Variants in LARP1B observed in about 807,000 individuals in gnomAD.
The protein encoded by LARP1B is la-related protein 1B.
A neutral mutation model predicts 114.2 loss-of-function variants in LARP1B; 76 were observed. The ratio of observed to expected loss-of-function variants is 0.67; its 90% CI spans 0.55 to 0.81. LARP1B has a LOEUF of 0.81. LARP1B is among the 30% of genes least tolerant of loss of function. The probability of loss-of-function intolerance (pLI) is 0.00; values close to 1 mark genes in which losing one functional copy is unlikely to be tolerated. For synonymous variants in LARP1B, 345 were observed against 348.0 expected, an observed-to-expected ratio of 0.99 and a Z score of 0.10; for missense variants, 1,014 against 1,075.8, an observed-to-expected ratio of 0.94 and a Z score of 0.80.
At chr4:128,065,306 T>TC (rs1561011701) in intron 1 of LARP1B, among the ~76,000 whole-genome samples, 2,189 of 110,624 alleles carry the variant, frequency 0.02, 66 homozygotes, top group Non-Finnish European at 0.03. Context: ...TCTTTCTTTC[T>TC]TTCTTTCTTT....
chr4:128,220,372 G>A (rs1759922565), exon 7 of LARP1B: 1 of 964,574 alleles, frequency 1.0e-6, no homozygotes. Flanking sequence ...ATCCGATAGA[G>A]TAATACCTAA....
At chr4:128,149,961 G>A (rs901527632) in intron 11 of LARP1B, among the ~76,000 whole-genome samples, 4 of 152,158 alleles carry the variant, frequency 2.6e-5, no homozygotes, top group African/African-American at 7.2e-5. Context: ...GACCATCCTG[G>A]CCTACATGGT....
At chr4:128,074,897 G>C in intron 2 of LARP1B, 37 bp from the exon 3 acceptor site, 2 of 1,402,862 alleles carry the variant, frequency 1.4e-6, no homozygotes, top group Non-Finnish European at 2.0e-6. Context: ...ATTTCTAAAA[G>C]TAATTTCAGA....
intron 12 of LARP1B, among the ~76,000 whole-genome samples, chr4:128,168,278 GT>G (rs199688331): frequency 4.6e-5 from 7 of 150,818 alleles, no homozygotes; most frequent in Admixed American, 1.3e-4. Context: ...AGTATTGTTA[GT>G]TTTTTTTTTA....
intron 3 of LARP1B, among the ~76,000 whole-genome samples, chr4:128,075,256 T>C (rs1302423185): frequency 2.0e-5 from 3 of 151,738 alleles, no homozygotes; most frequent in Non-Finnish European, 4.4e-5. Flanking sequence ...CACGCACCAC[T>C]GTGCACAGCT....
At chr4:128,114,798 A>T in intron 10 of LARP1B, 56 bp downstream of exon 10, 1 of 1,483,512 alleles carries the variant, frequency 6.7e-7, no homozygotes, top group Non-Finnish European at 9.3e-7. Context: ...GTATAAGGTC[A>T]GTGCACTTTA....
intron 1 of LARP1B, 101 bp from the exon 2 acceptor site, chr4:128,074,359 A>G (rs1025743294): frequency 3.2e-5 from 6 of 188,344 alleles, no homozygotes; most frequent in Non-Finnish European, 5.0e-5. Context: ...TTTTGGTTGG[A>G]AATGATGATT....
intron 11 of LARP1B, chr4:128,122,808 C>T: frequency 9.1e-7 from 1 of 1,103,358 alleles, no homozygotes; most frequent in Non-Finnish European, 1.1e-6. Context: ...ATCCCAGATC[C>T]TGGTTCCTAT....
chr4:128,086,502 A>G (rs966621389), intron 5 of LARP1B, among the ~76,000 whole-genome samples: 2 of 151,474 alleles, frequency 1.3e-5, no homozygotes, highest in Admixed American at 6.6e-5. Flanking sequence ...CTAATTTTGT[A>G]TTTTTTTGTA....
At chr4:128,176,159 A>G (rs1745852455) in intron 12 of LARP1B, among the ~76,000 whole-genome samples, 1 of 130,558 alleles carries the variant, frequency 7.7e-6, no homozygotes. Context: ...TTATATATAT[A>G]AATATATATA....
intron 8 of LARP1B, among the ~76,000 whole-genome samples, chr4:128,101,058 T>G (rs1386678019): frequency 6.6e-6 from 1 of 151,462 alleles, no homozygotes; most frequent in East Asian, 2.0e-4. Context: ...TCTCAGGTGA[T>G]CCACCTGCCT....
At chr4:128,114,983 G>T (rs1785299432) in intron 10 of LARP1B, among the ~76,000 whole-genome samples, 1 of 151,908 alleles carries the variant, frequency 6.6e-6, no homozygotes, top group Non-Finnish European at 1.5e-5. Context: ...TATTGCCCAG[G>T]CTGGAGTGCA....
intron 11 of LARP1B, among the ~76,000 whole-genome samples, chr4:128,137,809 T>G (rs1269298755): frequency 3.4e-5 from 5 of 146,568 alleles, no homozygotes; most frequent in South Asian, 2.1e-4. Flanking sequence ...TTTAGGGGGG[T>G]TGGTGACAGA....
chr4:128,082,698 T>C (rs1024758755), intron 5 of LARP1B, among the ~76,000 whole-genome samples: 4 of 152,172 alleles, frequency 2.6e-5, no homozygotes, highest in Non-Finnish European at 5.9e-5. Flanking sequence ...AGGATAATCG[T>C]ATTGTAGATA....
intron 2 of LARP1B, 91 bp from the exon 3 acceptor site, chr4:128,074,843 T>A: frequency 2.3e-6 from 2 of 873,750 alleles, no homozygotes; most frequent in South Asian, 3.2e-5. Flanking sequence ...AATGATTATT[T>A]AAAACTCCTT....
chr4:128,121,207 G>A (rs754569384), intron 10 of LARP1B, among the ~76,000 whole-genome samples: 4 of 152,224 alleles, frequency 2.6e-5, no homozygotes, highest in Non-Finnish European at 5.9e-5. Flanking sequence ...AGAGGGATTA[G>A]CTCAGAAACT....
At chr4:128,149,766 A>C (rs1290637850) in intron 11 of LARP1B, among the ~76,000 whole-genome samples, 1 of 152,230 alleles carries the variant, frequency 6.6e-6, no homozygotes, top group Non-Finnish European at 1.5e-5. Context: ...GGGAGACTTA[A>C]AGCAGGAAAA....
chr4:128,202,463 A>G (rs1485231660), intron 17 of LARP1B, among the ~76,000 whole-genome samples: 2 of 152,246 alleles, frequency 1.3e-5, no homozygotes, highest in African/African-American at 4.8e-5. Flanking sequence ...ATATCTTTTT[A>G]TGTACACACA....
At chr4:128,117,977 G>A (rs1198163664) in intron 10 of LARP1B, among the ~76,000 whole-genome samples, 1 of 146,630 alleles carries the variant, frequency 6.8e-6, no homozygotes, top group Non-Finnish European at 1.5e-5. Context: ...GTGCAGTGGC[G>A]CGATCTCTGC....
Sources: gnomAD v4.1 joint callset for allele counts (sites outside exome capture counted in the v4.1 genomes callset) on GRCh38, gnomAD v4.1.1 for gene constraint, MANE v1.5 for transcripts, NCBI Gene and HGNC (gene_info 2026-07-23, HGNC 2026-07-21) for gene names.